ANK3: variants seen among roughly 807,000 people sequenced by gnomAD.
ANK3 encodes ankyrin-3.
ANK3 carries 57 observed loss-of-function variants against 370.9 expected under a neutral mutation model. The observed-to-expected ratio is 0.15, with a 90% CI of 0.12 to 0.19. The LOEUF is 0.19. Among genes scored for constraint, ANK3 ranks in the 10% least tolerant of loss-of-function variants. The pLI, the probability that ANK3 is intolerant of heterozygous loss-of-function variation, is 1.00. For missense variants in ANK3, 4,439 were observed against 5,302.1 expected (o/e 0.84, Z 5.06); for synonymous variants, 1,929 against 1,946.3 (o/e 0.99, Z 0.23).
chr10:60,089,124 T>A (rs1442411686), intron 28 of ANK3, among the ~76,000 whole-genome samples: 3 of 152,228 alleles, frequency 2.0e-5, no homozygotes, highest in African/African-American at 7.2e-5. Flanking sequence ...ATGTTTAGCA[T>A]CATCATCACC....
At chr10:60,103,694 T>C (rs2091702692) in intron 28 of ANK3, among the ~76,000 whole-genome samples, 1 of 152,208 alleles carries the variant, frequency 6.6e-6, no homozygotes, top group South Asian at 2.1e-4. Flanking sequence ...GAAAATTCCA[T>C]CCTCATTTTT....
At chr10:60,457,658 G>C (rs2064781932) in intron 2 of ANK3, among the ~76,000 whole-genome samples, 1 of 152,082 alleles carries the variant, frequency 6.6e-6, no homozygotes, top group Non-Finnish European at 1.5e-5. Flanking sequence ...AAAGGATGGA[G>C]CCTCATGGGG....
chr10:60,090,004 T>G (rs1461099070), intron 28 of ANK3, among the ~76,000 whole-genome samples: 2 of 152,130 alleles, frequency 1.3e-5, no homozygotes, highest in Admixed American at 1.3e-4. Flanking sequence ...AAAATTACAT[T>G]TGCTTAGGAG....
chr10:60,604,407 C>T (rs1170865606), intron 2 of ANK3, among the ~76,000 whole-genome samples: 4 of 152,114 alleles, frequency 2.6e-5, no homozygotes, highest in African/African-American at 9.7e-5. Context: ...CTGGAAAAGG[C>T]ATTTCTACAA....
chr10:60,087,344 A>G (rs1333753334), intron 29 of ANK3, among the ~76,000 whole-genome samples: 1 of 152,240 alleles, frequency 6.6e-6, no homozygotes, highest in Non-Finnish European at 1.5e-5. Context: ...ATTCTAGTCT[A>G]CTAAGCCTCT....
At chr10:60,273,617 C>A (rs1167209305) in intron 4 of ANK3, among the ~76,000 whole-genome samples, 1 of 152,100 alleles carries the variant, frequency 6.6e-6, no homozygotes, top group Non-Finnish European at 1.5e-5. Flanking sequence ...GATACTATTT[C>A]TTTAATTTTC....
At chr10:60,206,187 C>A (rs1020160196) in intron 10 of ANK3, among the ~76,000 whole-genome samples, 15 of 152,096 alleles carry the variant, frequency 9.9e-5, no homozygotes, top group African/African-American at 3.6e-4. Context: ...CCAAATATGT[C>A]TCAGGCTGGG....
At chr10:60,666,818 A>G (rs904862384) in intron 1 of ANK3, among the ~76,000 whole-genome samples, 1 of 152,200 alleles carries the variant, frequency 6.6e-6, no homozygotes, top group Non-Finnish European at 1.5e-5. Context: ...AAAACTGCAC[A>G]TACCCCATGG....
intron 2 of ANK3, among the ~76,000 whole-genome samples, chr10:60,403,971 G>T (rs1599166): frequency 6.6e-6 from 1 of 151,962 alleles, no homozygotes. Flanking sequence ...TTGGAAAATC[G>T]AATTTAAAAA....
intron 1 of ANK3, among the ~76,000 whole-genome samples, chr10:60,365,172 G>C (rs1375756436): frequency 6.8e-6 from 1 of 147,014 alleles, no homozygotes; most frequent in East Asian, 2.0e-4. Flanking sequence ...ATATTAGCAA[G>C]ATATTCTTTA....
intron 2 of ANK3, among the ~76,000 whole-genome samples, chr10:60,405,141 C>G (rs922424733): frequency 2.0e-5 from 3 of 152,146 alleles, no homozygotes; most frequent in Non-Finnish European, 4.4e-5. Context: ...ATAATACAAA[C>G]ACCTACCCTA....
chr10:60,549,854 A>T, intron 2 of ANK3, among the ~76,000 whole-genome samples: 1 of 152,160 alleles, frequency 6.6e-6, no homozygotes, highest in Non-Finnish European at 1.5e-5. Flanking sequence ...TGCATGATGG[A>T]CTATTGATTG....
chr10:60,143,370 T>A (rs1322770921), intron 23 of ANK3, among the ~76,000 whole-genome samples: 1 of 152,226 alleles, frequency 6.6e-6, no homozygotes, highest in African/African-American at 2.4e-5. Context: ...TGTGATTTGT[T>A]AACTTTCTCT....
intron 2 of ANK3, among the ~76,000 whole-genome samples, chr10:60,546,287 C>T (rs2076962777): frequency 6.6e-6 from 1 of 152,182 alleles, no homozygotes; most frequent in Non-Finnish European, 1.5e-5. Flanking sequence ...TCTCGTGCCT[C>T]AGCCTCCCAA....
chr10:60,282,295 G>C lies in ANK3; in HGVS notation c.115-2656C>G, dbSNP rs368421275. ...ATTATAATTCAAGAAAAAAGCCTTT[G>C]AATTGATCGCATATCTGGAAAGATT... is the stretch of plus-strand genomic sequence containing the variant. On this transcript the variant is annotated intron_variant, in intron 1 of 43. Coordinates refer to ENST00000280772, the MANE Select transcript of ANK3 (RefSeq NM_020987.5). Among the ~76,000 whole-genome samples the C allele has an allele frequency of 1.2e-4, 18 of 152,266 alleles. No individual in the cohort carries two copies. The East Asian group carries it at 2.7e-3, about 23-fold the overall frequency.
intron 8 of ANK3, 50 bp downstream of exon 8, chr10:60,234,638 T>G: frequency 9.0e-7 from 1 of 1,113,158 alleles, no homozygotes; most frequent in Non-Finnish European, 1.4e-6. Flanking sequence ...GGAAAAGTAT[T>G]CCTACTTCCT....
chr10:60,381,387 A>T (rs1415001651), intron 1 of ANK3, among the ~76,000 whole-genome samples: 1 of 152,192 alleles, frequency 6.6e-6, no homozygotes, highest in African/African-American at 2.4e-5. Flanking sequence ...GTTAATGAAT[A>T]GAAAAATGTA....
chr10:60,311,374 T>C (rs1258182507), intron 1 of ANK3, among the ~76,000 whole-genome samples: 1 of 151,430 alleles, frequency 6.6e-6, no homozygotes, highest in African/African-American at 2.4e-5. Context: ...ACCACTGAAA[T>C]GTAACCCTAC....
chr10:60,471,858 A>G (rs2065227335), intron 2 of ANK3, among the ~76,000 whole-genome samples: 1 of 152,090 alleles, frequency 6.6e-6, no homozygotes, highest in South Asian at 2.1e-4. Context: ...GCTTTCATTC[A>G]ATGGAGCTGC....
Sources: gnomAD v4.1 joint callset for allele counts (sites outside exome capture counted in the v4.1 genomes callset) on GRCh38, gnomAD v4.1.1 for gene constraint, MANE v1.5 for transcripts, NCBI Gene and HGNC (gene_info 2026-07-23, HGNC 2026-07-21) for gene names.